OSBP2: variants seen among roughly 807,000 people sequenced by gnomAD.
The protein encoded by OSBP2 is oxysterol binding protein 2.
OSBP2 carries 66 observed loss-of-function variants against 96.0 expected under a neutral mutation model. The ratio of observed to expected loss-of-function variants is 0.69; its 90% CI spans 0.56 to 0.84. The LOEUF (loss-of-function observed/expected upper bound fraction) is 0.84, where lower values mean the gene tolerates loss of function less well. OSBP2 is among the 40% of genes least tolerant of loss of function. OSBP2 has a pLI of 0.00. For synonymous variants in OSBP2, 525 were observed against 520.9 expected, an observed-to-expected ratio of 1.01 and a Z score of -0.11; for missense variants, 1,038 against 1,222.7, an observed-to-expected ratio of 0.85 and a Z score of 2.25.
At chr22:30,789,660 C>T (rs182633447) in intron 2 of OSBP2, among the ~76,000 whole-genome samples, 7 of 152,274 alleles carry the variant, frequency 4.6e-5, no homozygotes, top group African/African-American at 1.4e-4. Context: ...TTTAGGCTTC[C>T]AAGGCTGTTG....
At chr22:30,880,994 AC>A (rs2039692225) in intron 3 of OSBP2, among the ~76,000 whole-genome samples, 2 of 151,892 alleles carry the variant, frequency 1.3e-5, no homozygotes, top group South Asian at 4.2e-4. Flanking sequence ...CAGGGCCTGG[AC>A]TCCCCAGGTG....
At chr22:30,893,284 G>A in intron 9 of OSBP2, 42 bp downstream of exon 9, 1 of 1,613,140 alleles carries the variant, frequency 6.2e-7, no homozygotes, top group Non-Finnish European at 8.5e-7. Context: ...CAGAGACATT[G>A]TGCATAAGAG....
chr22:30,870,551 C>T lies in OSBP2; in HGVS notation c.976C>T (p.His326Tyr), dbSNP rs2039436981. 6.2e-7 allele frequency: 1 copy of T among 1,613,960 alleles called. No homozygotes were observed. Among genetic ancestry groups the T allele is most frequent in the Non-Finnish European group, 8.5e-7 (1 of 1,180,016 alleles). Residue 326 changes from histidine (H) to tyrosine (Y), a missense_variant, in exon 3 of 14, where the codon CAC (histidine) becomes TAC (tyrosine). By Grantham distance (83) the His-to-Tyr change is moderately conservative. This residue lies in a region of OSBP2 where 737 missense variants were observed against 913.3 expected (regional missense o/e 0.81). Transcript: ENST00000332585. This position sits in a 1 kb window ranked among gnomAD's most constrained non-coding sequence, Gnocchi z 4.1. ...CACGTGCAATGACCTCATCGCCAAG[C>T]ACGGCGCTGCACTCCAGCGCTCCCT... ...LSTCNDLIAK[H>Y]GAALQRSLTE...
chr22:30,888,792 T>A (rs1275361811), intron 5 of OSBP2, among the ~76,000 whole-genome samples: 1 of 152,056 alleles, frequency 6.6e-6, no homozygotes, highest in African/African-American at 2.4e-5. Context: ...CCTCATAGAG[T>A]ATACTTACAC....
intron 2 of OSBP2, among the ~76,000 whole-genome samples, chr22:30,846,184 G>T (rs1017568251): frequency 2.0e-5 from 3 of 151,798 alleles, no homozygotes; most frequent in Non-Finnish European, 2.9e-5. Context: ...TCTCAACTCT[G>T]TCACCCAGCT....
intron 1 of OSBP2, among the ~76,000 whole-genome samples, chr22:30,726,513 A>T (rs942435067): frequency 6.6e-6 from 1 of 152,144 alleles, no homozygotes; most frequent in Non-Finnish European, 1.5e-5. Flanking sequence ...GAGCATTAGG[A>T]CAAATACCTA....
chr22:30,780,204 G>T lies in OSBP2; in HGVS notation c.853+38835G>T, dbSNP rs150133926. On this transcript the variant is annotated intron_variant, in intron 2 of 13. Coordinates refer to ENST00000332585, the MANE Select transcript of OSBP2 (RefSeq NM_030758.4). ...TTATTTGAAAACCACGAGTTGCCTC[G>T]TACCATTTCCTGCACCCCAGTGCTA... Among the ~76,000 whole-genome samples, 500 of 152,344 alleles carry T rather than the reference G, an allele frequency of 3.3e-3. 1 individual carries two copies. The highest frequency in any genetic ancestry group is 0.011 in the African/African-American group (448 of 41,572).
At chr22:30,858,067 AG>A (rs1382517009) in intron 2 of OSBP2, among the ~76,000 whole-genome samples, 1 of 152,058 alleles carries the variant, frequency 6.6e-6, no homozygotes, top group Non-Finnish European at 1.5e-5. Context: ...GGCCTCGCCA[AG>A]GGGGACCAAT....
Position 30,827,440 on chromosome 22 carries a change from C to G in OSBP2, c.854-42989C>G, listed in dbSNP as rs12168997. 9.7e-3 allele frequency among the ~76,000 whole-genome samples: 1,475 copies of G among 152,316 alleles called. 19 individuals are homozygous for G. Among genetic ancestry groups the G allele is most frequent in the African/African-American group, 0.031 (1,272 of 41,574 alleles). ...TTGGCCTAAGGTGGTGAGAATTCTA[C>G]TTGGTGTCTTAAAATGATGGCAGTA... is the stretch of plus-strand genomic sequence containing the variant. On this transcript the variant is annotated intron_variant, in intron 2 of 13. Coordinates refer to ENST00000332585, the MANE Select transcript of OSBP2 (RefSeq NM_030758.4).
At chr22:30,816,087 G>A (rs2091080489) in intron 2 of OSBP2, among the ~76,000 whole-genome samples, 1 of 152,002 alleles carries the variant, frequency 6.6e-6, no homozygotes, top group African/African-American at 2.4e-5. Flanking sequence ...CAGCTGCACT[G>A]TAGTCTCACT....
At chr22:30,802,954 C>T (rs1482106565) in intron 2 of OSBP2, 3 of 153,670 alleles carry the variant, frequency 2.0e-5, no homozygotes, top group Admixed American at 1.3e-4. Context: ...GAAGCGGCGC[C>T]CGCGGCAGGG....
At chr22:30,839,069 A>G (rs976820755) in intron 2 of OSBP2, among the ~76,000 whole-genome samples, 6 of 134,298 alleles carry the variant, frequency 4.5e-5, no homozygotes, top group African/African-American at 1.1e-4. Flanking sequence ...TCATTGTTCA[A>G]TTCCCATCTA....
At chr22:30,774,149 G>A (rs1382079805) in intron 2 of OSBP2, among the ~76,000 whole-genome samples, 2 of 152,220 alleles carry the variant, frequency 1.3e-5, no homozygotes, top group Non-Finnish European at 2.9e-5. Flanking sequence ...CCCCAGGGGG[G>A]CTGGGCCCTT....
Position 30,695,040 on chromosome 22 carries a change from C to T in OSBP2, c.131C>T (p.Ser44Phe), listed in dbSNP as rs2089000322. The T allele has an allele frequency of 6.3e-7, 1 of 1,590,670 alleles. No homozygotes were observed. The highest frequency in any genetic ancestry group is 1.1e-5 in the South Asian group (1 of 88,360). ...TAAPGMSAST[S>F]GSGPEPKPQP... ...GCGCCGGGCATGAGCGCTTCCACGT[C>T]CGGCTCCGGGCCGGAGCCCAAGCCC... Residue 44 changes from serine to phenylalanine, a missense_variant, in exon 1 of 14, where the codon TCC becomes TTC. Physicochemically the swap from Ser to Phe is radical, Grantham distance 155 (BLOSUM62 -2). Coordinates refer to ENST00000332585, the MANE Select transcript of OSBP2 (RefSeq NM_030758.4).
intron 1 of OSBP2, among the ~76,000 whole-genome samples, chr22:30,727,692 A>G (rs1464795244): frequency 6.6e-6 from 1 of 152,146 alleles, no homozygotes; most frequent in Non-Finnish European, 1.5e-5. Flanking sequence ...GTTTTTTTAA[A>G]TATAAACTTT....
chr22:30,761,769 G>A (rs1015833693), intron 2 of OSBP2, among the ~76,000 whole-genome samples: 1 of 152,202 alleles, frequency 6.6e-6, no homozygotes, highest in African/African-American at 2.4e-5. Context: ...AGAATGGAGA[G>A]TCCAGAAATG....
intron 1 of OSBP2, among the ~76,000 whole-genome samples, chr22:30,719,665 A>G (rs2089515117): frequency 6.6e-6 from 1 of 151,746 alleles, no homozygotes; most frequent in African/African-American, 2.4e-5. Context: ...GTGGCATGAG[A>G]ATTGCTTGAA....
chr22:30,875,369 T>G (rs555507802), intron 3 of OSBP2, among the ~76,000 whole-genome samples: 1 of 151,872 alleles, frequency 6.6e-6, no homozygotes, highest in Non-Finnish European at 1.5e-5. Context: ...CAGGGTTCTT[T>G]GTTGTTTTTT....
chr22:30,858,915 A>AATAATAATAAT (rs1337873376), intron 2 of OSBP2, among the ~76,000 whole-genome samples: 112 of 111,934 alleles, frequency 1.0e-3, no homozygotes, highest in African/African-American at 4.3e-3. Flanking sequence ...ATAATAATAA[A>AATAATAATAAT]AGCATTCCCA....
Sources: gnomAD v4.1 joint callset for allele counts (sites outside exome capture counted in the v4.1 genomes callset) on GRCh38, gnomAD v4.1.1 for gene constraint, gnomAD v4.1.1 regional missense constraint, Gnocchi (gnomAD v3.1) non-coding constraint, MANE v1.5 for transcripts, NCBI Gene and HGNC (gene_info 2026-07-23, HGNC 2026-07-21) for gene names.